The following FCAMR variants were observed in gnomAD, a reference collection of about 807,000 sequenced individuals.
FCAMR encodes high affinity immunoglobulin alpha and immunoglobulin mu Fc receptor.
A neutral mutation model predicts 52.2 loss-of-function variants in FCAMR; 51 were observed. The ratio of observed to expected loss-of-function variants is 0.98; its 90% confidence interval spans 0.78 to 1.23. The LOEUF (loss-of-function observed/expected upper bound fraction) is 1.23. Among genes scored for constraint, FCAMR ranks in the 50% most tolerant of loss-of-function variants. The pLI is 0.00. For synonymous variants in FCAMR, 282 were observed against 262.0 expected (o/e 1.08, Z -0.74); for missense variants, 719 against 712.6 (o/e 1.01, Z -0.10).
In FCAMR at chr1:206,959,801, C is replaced by A; in HGVS notation, c.1455-4G>T. The A allele has an allele frequency of 1.9e-6, 3 of 1,610,330 alleles. No individual in the cohort carries two copies. Among genetic ancestry groups the A allele is most frequent in the Non-Finnish European group, 2.5e-6 (3 of 1,176,576 alleles). On this transcript the variant is annotated splice_polypyrimidine_tract_variant and splice_region_variant and intron_variant, in intron 6 of 7. Transcript: ENST00000324852. The stretch of plus-strand genomic sequence containing the variant: ...GCTTTCATCTTCTGGAAAAGTACTA[C>A]AGTGGGGGTGGAAAGAGCACAGGGG...
At position 206,958,309 on chromosome 1, in the gene FCAMR, G is replaced by A; in HGVS notation, c.*207C>T. Reference sequence around the variant, plus strand: ...ATACACTGTTCTTGAAGTCTCCTTTGAGTCATCTTGTCACCTTTGGACGTG... The same window carrying A: ...ATACACTGTTCTTGAAGTCTCCTTTAAGTCATCTTGTCACCTTTGGACGTG... On this transcript the variant is annotated 3_prime_UTR_variant, in exon 8 of 8. Transcript: ENST00000324852. The A allele has an allele frequency of 1.7e-6, 1 of 573,632 alleles. No homozygotes were observed. The highest frequency in any genetic ancestry group is 2.4e-5 in the South Asian group (1 of 41,504). 35.5% of individuals were successfully genotyped at this position (573,632 alleles called of 1,614,324 possible).
intron 4 of FCAMR, among the ~76,000 whole-genome samples, chr1:206,965,042 C>T (rs1680652472): frequency 6.6e-6 from 1 of 152,220 alleles, no homozygotes; most frequent in South Asian, 2.1e-4. Flanking sequence ...ACTCACTGTA[C>T]GTTTCATTAA....
rs1425270586 is a variant in FCAMR at position 206,960,452 on chromosome 1, C to G, written c.1424G>C (p.Gly475Ala). The part of the protein sequence containing the change: ...LSQTPAVGPW[G>A]PPGKESSVKR... ...CACGGAGGACTCCTTGCCAGGGGGT[C>G]CCCAGGGTCCTACTGCCGGGGTCTG... The change falls in exon 6 of 8, where the codon GGA becomes GCA. Residue 475 changes from glycine (G) to alanine (A), a missense_variant. Physicochemically the swap from Gly to Ala is moderately conservative, Grantham distance 60. Transcript: ENST00000324852. 2 of 1,520,916 alleles carry G rather than the reference C, an allele frequency of 1.3e-6. No homozygotes were observed. Among genetic ancestry groups the G allele is most frequent in the Middle Eastern group, 2.1e-4 (1 of 4,688 alleles). 94.2% of individuals were successfully genotyped at this position (1,520,916 alleles called of 1,614,324 possible).
In FCAMR at chr1:206,962,193, C is replaced by T. The variant is rs1163224569; in HGVS notation, c.652+20G>A. 1.2e-6 allele frequency: 2 copies of T among 1,604,744 alleles called. No individual in the cohort carries two copies. Among genetic ancestry groups the T allele is most frequent in the Non-Finnish European group, 8.5e-7 (1 of 1,172,490 alleles). ...AGAACGTGCTTCACCAAGCTTGGCC[C>T]ATCAGCCGTCAGCTCATACCTGCAG... On this transcript the variant is annotated intron_variant, in intron 5 of 7. Coordinates refer to ENST00000324852, the MANE Select transcript of FCAMR (RefSeq NM_001170631.2).
intron 2 of FCAMR, 94 bp downstream of exon 2, chr1:206,967,489 G>T: frequency 7.5e-7 from 1 of 1,334,280 alleles, no homozygotes; most frequent in South Asian, 1.3e-5. Context: ...AACTCTAGTT[G>T]GAATTGTGGG....
In FCAMR at chr1:206,961,099, C is replaced by G; in HGVS notation, c.777G>C (p.Gly259=). 1 of 1,551,840 alleles carries G rather than the reference C, an allele frequency of 6.4e-7. No homozygotes were observed. The highest frequency in any genetic ancestry group is 8.7e-7 in the Non-Finnish European group (1 of 1,147,034). Residue 259 remains glycine, a synonymous_variant, in exon 6 of 8, where the codon GGG becomes GGC. Coordinates refer to ENST00000324852, the MANE Select transcript of FCAMR (RefSeq NM_001170631.2). ...TPGTTQTLGQ[G]TAWDTVASTP... is the part of the protein sequence containing the mutation. The stretch of plus-strand genomic sequence containing the variant: ...TGGAAGCAACTGTGTCCCATGCTGT[C>G]CCCTGTCCTAAGGTCTGGGTGGTTC...
intron 4 of FCAMR, among the ~76,000 whole-genome samples, chr1:206,963,733 G>A (rs1680597611): frequency 1.3e-5 from 2 of 152,198 alleles, no homozygotes; most frequent in South Asian, 4.1e-4. Context: ...AGTGGGGAGA[G>A]GAGAGGTGAA....
intron 1 of FCAMR, among the ~76,000 whole-genome samples, chr1:206,968,500 A>T (rs918190923): frequency 2.6e-5 from 4 of 152,266 alleles, no homozygotes; most frequent in Non-Finnish European, 4.4e-5. Flanking sequence ...AACTAAAGTT[A>T]GCCGTTGAGT....
At chr1:206,961,746 T>C (rs1680516512) in intron 5 of FCAMR, among the ~76,000 whole-genome samples, 1 of 152,236 alleles carries the variant, frequency 6.6e-6, no homozygotes, top group Non-Finnish European at 1.5e-5. Flanking sequence ...CAGAACCTGC[T>C]GCAGAGGGCC....
chr1:206,960,589 T>TG lies in FCAMR; in HGVS notation c.1286_1287insC (p.Thr430AsnfsTer62). 6.5e-7 allele frequency: 1 copy of TG among 1,548,014 alleles called. No individual in the cohort carries two copies. Among genetic ancestry groups the TG allele is most frequent in the South Asian group, 1.2e-5 (1 of 83,828 alleles). On this transcript the variant is annotated frameshift_variant, in exon 6 of 8. Coordinates refer to ENST00000324852, the MANE Select transcript of FCAMR (RefSeq NM_001170631.2). LOFTEE classifies it high-confidence loss of function. ...TGGTCCACACATCTGCAGCTGGAGT[T>TG]CCCAAGATCCACACATCTGCAGCTG...
At position 206,959,754 on chromosome 1, in the gene FCAMR, C is replaced by A. The variant is rs1680423192; in HGVS notation, c.1498G>T (p.Val500Phe). 6.2e-7 allele frequency: 1 copy of A among 1,613,998 alleles called. No individual in the cohort carries two copies. Among genetic ancestry groups the A allele is most frequent in the South Asian group, 1.1e-5 (1 of 91,084 alleles). The change falls in exon 7 of 8, where the codon GTC becomes TTC. Residue 500 changes from valine to phenylalanine, a missense_variant. Coordinates refer to ENST00000324852, the MANE Select transcript of FCAMR (RefSeq NM_001170631.2). ...ATAAACAGGGCCAGCATGGTAGAGA[C>A]AGGAGCCAGGGTCCGAGAGCTGCTT... ...DESSSRTLAPVSTMLALFMLM... is the reference protein window; with the variant it reads ...DESSSRTLAPFSTMLALFMLM...
At chr1:206,966,819 A>T (rs1680727482) in intron 3 of FCAMR, among the ~76,000 whole-genome samples, 1 of 152,106 alleles carries the variant, frequency 6.6e-6, no homozygotes, top group African/African-American at 2.4e-5. Flanking sequence ...TCTACTTGGG[A>T]CTAGATTCTA....
At chr1:206,961,567 C>T (rs1354988521) in intron 5 of FCAMR, among the ~76,000 whole-genome samples, 2 of 152,248 alleles carry the variant, frequency 1.3e-5, no homozygotes. Flanking sequence ...AAAAGAAACA[C>T]TCCACTTCTA....
At chr1:206,969,661 G>C (rs997023234) in intron 1 of FCAMR, among the ~76,000 whole-genome samples, 4 of 152,134 alleles carry the variant, frequency 2.6e-5, no homozygotes, top group African/African-American at 4.8e-5. Flanking sequence ...CACATCCCCT[G>C]GGCAGCAGAT....
intron 3 of FCAMR, among the ~76,000 whole-genome samples, chr1:206,966,356 A>G (rs1680706747): frequency 6.6e-6 from 1 of 152,190 alleles, no homozygotes; most frequent in South Asian, 2.1e-4. Flanking sequence ...TATCACGCAG[A>G]GTGCTTACTC....
chr1:206,958,468 A>G lies in FCAMR; in HGVS notation c.*48T>C. 6.4e-7 allele frequency: 1 copy of G among 1,556,004 alleles called. No homozygotes were observed. Among genetic ancestry groups the G allele is most frequent in the East Asian group, 2.3e-5 (1 of 43,836 alleles). On this transcript the variant is annotated 3_prime_UTR_variant, in exon 8 of 8. Transcript: ENST00000324852. ...GAGGCTGGGGTCCTGAAGGCCTTTG[A>G]TCTTGGTCCTTCTCCCATGGTAACT...
intron 7 of FCAMR, chr1:206,958,914 C>T (rs777488336): frequency 1.8e-5 from 12 of 654,256 alleles, no homozygotes; most frequent in Non-Finnish European, 3.4e-5. Flanking sequence ...CCTTTCTTCA[C>T]TAGGTGTACA....
intron 4 of FCAMR, 56 bp from the exon 5 acceptor site, chr1:206,962,607 G>A (rs546286668): frequency 7.1e-7 from 1 of 1,407,138 alleles, no homozygotes; most frequent in Non-Finnish European, 9.4e-7. Context: ...GTCACTGTTT[G>A]GGGACTCACG....
rs967287201 is a variant in FCAMR, at chr1:206,960,315, G to A, written c.1454+107C>T. ...CATCCGATGTGTATGTCACTGTCTT[G>A]TGGGTACAAAGGGAGAGAAGTGAGC... On this transcript the variant is annotated intron_variant, in intron 6 of 7. Coordinates refer to ENST00000324852, the MANE Select transcript of FCAMR (RefSeq NM_001170631.2). 1.8e-5 allele frequency: 21 copies of A among 1,184,494 alleles called. No individual in the cohort carries two copies. In the Admixed American group the frequency reaches 4.3e-4, roughly 24 times the overall value. 73.4% of individuals were successfully genotyped at this position (1,184,494 alleles called of 1,614,324 possible).
Sources: allele counts gnomAD v4.1 joint callset (sites outside exome capture counted in the v4.1 genomes callset), GRCh38; gene constraint gnomAD v4.1.1; transcripts MANE v1.5; gene names NCBI Gene and HGNC (gene_info 2026-07-23, HGNC 2026-07-21).